Variants in MSC observed in about 807,000 individuals in gnomAD.
The protein encoded by MSC is musculin, also known as activated B-cell factor 1, homolog of mouse musculin.
Under a neutral mutation model 14.4 loss-of-function variants are expected in MSC, and 16 were observed. The ratio of observed to expected loss-of-function variants is 1.11; its 90% CI spans 0.75 to 1.69. The LOEUF (loss-of-function observed/expected upper bound fraction) is 1.69, where lower values mean the gene tolerates loss of function less well. Ranked by LOEUF, MSC falls within the 40% of genes most tolerant of loss-of-function variation. MSC has a pLI of 0.00. For missense variants in MSC, 320 were observed against 288.1 expected (o/e 1.11, Z -0.80); for synonymous variants, 165 against 128.5 (o/e 1.28, Z -1.92).
Position 71,843,664 on chromosome 8 carries a change from T to A in MSC, c.515A>T (p.Tyr172Phe). ...CCCTACCAGGTTCACTGGGTGCACG[T>A]AGCCGTTCTCATAGCGGTCCTCCTG... ...LLQEDRYENG[Y>F]VHPVNLTWPF... is the part of the protein sequence containing the mutation. Residue 172 changes from tyrosine (Y) to phenylalanine (F), a missense_variant, in exon 1 of 2, where the codon TAC becomes TTC. Coordinates refer to ENST00000325509, the MANE Select transcript of MSC (RefSeq NM_005098.4). The A allele has an allele frequency of 6.2e-7, 1 of 1,614,222 alleles. No homozygotes were observed. The highest frequency in any genetic ancestry group is 8.5e-7 in the Non-Finnish European group (1 of 1,180,042).
At chr8:71,842,815 C>G (rs867398054) in intron 1 of MSC, 68 bp from the exon 2 acceptor site, 11 of 1,359,068 alleles carry the variant, frequency 8.1e-6, no homozygotes, top group South Asian at 7.0e-5. Context: ...AGCTCTCCTA[C>G]GCGAACCCCA....
Position 71,842,577 on chromosome 8 carries a change from C to T in MSC, c.*84G>A. ...GGAGAATCCAGCGGAAACTTCTTCC[C>T]ATCTCACGAGCTCTCCCTTCTCTCC... is the stretch of plus-strand genomic sequence containing the variant. On this transcript the variant is annotated 3_prime_UTR_variant, in exon 2 of 2. Coordinates refer to ENST00000325509, the MANE Select transcript of MSC (RefSeq NM_005098.4). 1 of 1,298,010 alleles carries T rather than the reference C, an allele frequency of 7.7e-7. No individual in the cohort carries two copies. The highest frequency in any genetic ancestry group is 1.1e-6 in the Non-Finnish European group (1 of 893,328). The allele number at this position is 1,298,010 out of a possible 1,614,324, so 80.4% of individuals were successfully genotyped here. A position where few individuals can be genotyped will look rare whatever the true frequency, so the allele number is the denominator to read the frequency against.
chr8:71,843,986 C>G lies in MSC; in HGVS notation c.193G>C (p.Gly65Arg), dbSNP rs182774730. ...TTCCTCTTGCAGCCTTCCGCGCTGC[C>G]GGCTGTGCCCAGAGCGCAGCGCTCC... ...EEERCALGTA[G>R]SAEGCKRKRP... The change falls in exon 1 of 2, where the codon GGC becomes CGC. Residue 65 changes from glycine to arginine, a missense_variant. Coordinates refer to ENST00000325509, the MANE Select transcript of MSC (RefSeq NM_005098.4). 10 of 1,564,114 alleles carry G rather than the reference C, an allele frequency of 6.4e-6. No individual in the cohort carries two copies. In the East Asian group the frequency reaches 1.2e-4, roughly 19 times the overall value.
rs535819859 is a variant in MSC, at chr8:71,842,440, G to A, written c.*221C>T. ...CACGAAAGGAAGCTCTTTTTGGAGA[G>A]GCAAAACGTGGTCGCCCAGATCCGG... On this transcript the variant is annotated 3_prime_UTR_variant, in exon 2 of 2. Transcript: ENST00000325509. 8.7e-6 allele frequency: 5 copies of A among 575,316 alleles called. No homozygotes were observed. Among genetic ancestry groups the A allele is most frequent in the Admixed American group, 2.7e-5 (1 of 36,824 alleles). 35.6% of individuals were successfully genotyped at this position (575,316 alleles called of 1,614,324 possible). A position where few individuals can be genotyped will look rare whatever the true frequency, so the allele number is the denominator to read the frequency against.
chr8:71,843,570 A>T, intron 1 of MSC, 75 bp downstream of exon 1: 1 of 1,599,886 alleles, frequency 6.3e-7, no homozygotes, highest in South Asian at 1.1e-5. Context: ...CAACGGGCTG[A>T]CCCTGCCCGG....
chr8:71,844,259 G>C lies in MSC; in HGVS notation c.-81C>G, dbSNP rs762622714. 6.3e-7 allele frequency: 1 copy of C among 1,585,444 alleles called. No homozygotes were observed. The highest frequency in any genetic ancestry group is 1.7e-5 in the Admixed American group (1 of 58,924). The stretch of plus-strand genomic sequence containing the variant: ...CTGTCTCCGCCTTCCGCTCCCTGGC[G>C]GAGGCGGAGGCCAGAGAGCGCTCCA... On this transcript the variant is annotated 5_prime_UTR_variant, in exon 1 of 2. Coordinates refer to ENST00000325509, the MANE Select transcript of MSC (RefSeq NM_005098.4).
At chr8:71,843,363 A>T (rs1333612799) in intron 1 of MSC, 8 of 530,058 alleles carry the variant, frequency 1.5e-5, no homozygotes, top group Non-Finnish European at 2.4e-5. Context: ...GCAGATGGAG[A>T]TGGAACCAAG....
In MSC at chr8:71,844,349, G is replaced by A. The variant is rs1450173345; in HGVS notation, c.-171C>T. The A allele has an allele frequency of 2.1e-6, 2 of 950,908 alleles. No homozygotes were observed. The highest frequency in any genetic ancestry group is 1.6e-5 in the African/African-American group (1 of 61,868). The allele number at this position is 950,908 out of a possible 1,614,324, so 58.9% of individuals were successfully genotyped here. On this transcript the variant is annotated 5_prime_UTR_variant, in exon 1 of 2. Transcript: ENST00000325509. ...AAAGCGAGGTGGGTGGCGAGAGCGTGAGCGCCCCTCTGCTGACCCCGGGGA... is the reference window on the plus strand; with the variant it reads ...AAAGCGAGGTGGGTGGCGAGAGCGTAAGCGCCCCTCTGCTGACCCCGGGGA...
Position 71,842,654 on chromosome 8 carries a change from G to C in MSC, c.*7C>G, listed in dbSNP as rs1807407855. On this transcript the variant is annotated 3_prime_UTR_variant, in exon 2 of 2. Transcript: ENST00000325509. ...GAATAATCCCATCAAGTGAGTTCCAGTCCGATTTAAGCGGTGGTTCCACAT... is the reference window on the plus strand; with the variant it reads ...GAATAATCCCATCAAGTGAGTTCCACTCCGATTTAAGCGGTGGTTCCACAT... The C allele has an allele frequency of 6.2e-7, 1 of 1,613,736 alleles. No individual in the cohort carries two copies. Among genetic ancestry groups the C allele is most frequent in the African/African-American group, 1.3e-5 (1 of 74,916 alleles).
At chr8:71,843,022 C>T in intron 1 of MSC, 1 of 386,200 alleles carries the variant, frequency 2.6e-6, no homozygotes, top group South Asian at 2.1e-5. Context: ...TCGTTTAGTT[C>T]CCTTCCCCAA....
chr8:71,843,681 G>A lies in MSC; in HGVS notation c.498C>T (p.Asp166=). The A allele has an allele frequency of 6.2e-7, 1 of 1,614,246 alleles. No homozygotes were observed. The highest frequency in any genetic ancestry group is 8.5e-7 in the Non-Finnish European group (1 of 1,180,052). The part of the protein sequence containing the change: ...IAHLRQLLQE[D]RYENGYVHPV... ...GGTGCACGTAGCCGTTCTCATAGCG[G>A]TCCTCCTGCAACAGCTGCCGCAGGT... The change falls in exon 1 of 2, where the codon GAC becomes GAT. Residue 166 remains aspartate (D), a synonymous_variant. Coordinates refer to ENST00000325509, the MANE Select transcript of MSC (RefSeq NM_005098.4).
rs1807459365 is a variant in MSC at position 71,844,130 on chromosome 8, G to GC, written c.48dup (p.Leu17AlafsTer27). ...GCGGGGACCGGGTACTCCCGCTGCA[G>GC]CCCCCGAAGCTCCATCTCCTCCGGA... On this transcript the variant is annotated frameshift_variant, in exon 1 of 2. Coordinates refer to ENST00000325509, the MANE Select transcript of MSC (RefSeq NM_005098.4). LOFTEE classifies it high-confidence loss of function. 2 of 1,527,020 alleles carry GC rather than the reference G, an allele frequency of 1.3e-6. No homozygotes were observed. The highest frequency in any genetic ancestry group is 2.1e-5 in the Admixed American group (1 of 47,072). The allele number at this position is 1,527,020 out of a possible 1,614,324, so 94.6% of individuals were successfully genotyped here.
In MSC at chr8:71,843,817, C is replaced by A; in HGVS notation, c.362G>T (p.Arg121Leu). 6.2e-7 allele frequency: 1 copy of A among 1,613,560 alleles called. No homozygotes were observed. The highest frequency in any genetic ancestry group is 8.5e-7 in the Non-Finnish European group (1 of 1,179,900). ...AANARERARM[R>L]VLSKAFSRLK... ...CCTGGAGAAGGCTTTGCTCAGCACG[C>A]GCATCCGGGCACGCTCACGGGCGTT... is the stretch of plus-strand genomic sequence containing the variant. Residue 121 changes from arginine to leucine, a missense_variant, in exon 1 of 2, where the codon CGC (arginine) becomes CTC (leucine). Transcript: ENST00000325509.
chr8:71,844,355 C>G lies in MSC; in HGVS notation c.-177G>C. The G allele has an allele frequency of 2.2e-6, 2 of 898,216 alleles. No individual in the cohort carries two copies. Among genetic ancestry groups the G allele is most frequent in the Non-Finnish European group, 3.5e-6 (2 of 565,270 alleles). 55.6% of individuals were successfully genotyped at this position (898,216 alleles called of 1,614,324 possible). A position where few individuals can be genotyped will look rare whatever the true frequency, so the allele number is the denominator to read the frequency against. On this transcript the variant is annotated 5_prime_UTR_variant, in exon 1 of 2. Coordinates refer to ENST00000325509, the MANE Select transcript of MSC (RefSeq NM_005098.4). ...AGGTGGGTGGCGAGAGCGTGAGCGC[C>G]CCTCTGCTGACCCCGGGGAGCGTGG...
chr8:71,844,316 G>C lies in MSC; in HGVS notation c.-138C>G. On this transcript the variant is annotated 5_prime_UTR_variant, in exon 1 of 2. Transcript: ENST00000325509. ...ACTAAAAACCCAGGCCGGGAAGCGC[G>C]GGGTGAGAAAGCGAGGTGGGTGGCG... 1 of 1,297,178 alleles carries C rather than the reference G, an allele frequency of 7.7e-7. No individual in the cohort carries two copies. Among genetic ancestry groups the C allele is most frequent in the Non-Finnish European group, 1.1e-6 (1 of 928,880 alleles). The allele number at this position is 1,297,178 out of a possible 1,614,324, so 80.4% of individuals were successfully genotyped here. A position where few individuals can be genotyped will look rare whatever the true frequency, so the allele number is the denominator to read the frequency against.
chr8:71,842,404 C>G lies in MSC; in HGVS notation c.*257G>C, dbSNP rs3779760. ...CTAGGGCCCGAGGGTGGACCTGCGT[C>G]CGCGTCTCGTCACGAAAGGAAGCTC... On this transcript the variant is annotated 3_prime_UTR_variant, in exon 2 of 2. Transcript: ENST00000325509. The G allele has an allele frequency of 0.28, 127,721 of 459,804 alleles. 18,906 individuals carry two copies. The highest frequency in any genetic ancestry group is 0.39 in the Middle Eastern group (605 of 1,570). 28.5% of individuals were successfully genotyped at this position (459,804 alleles called of 1,614,324 possible).
intron 1 of MSC, 185 bp downstream of exon 1, chr8:71,843,457 ATTC>A: frequency 1.3e-6 from 1 of 753,564 alleles, no homozygotes; most frequent in Non-Finnish European, 2.3e-6. Flanking sequence ...CGGAGGGTTG[ATTC>A]TTCTTCAGGG....
intron 1 of MSC, 58 bp from the exon 2 acceptor site, chr8:71,842,805 A>T: frequency 4.7e-6 from 7 of 1,496,070 alleles, no homozygotes; most frequent in Non-Finnish European, 6.5e-6. Flanking sequence ...AAACCGAAAC[A>T]GCTCTCCTAC....
chr8:71,843,481 C>T, intron 1 of MSC, 164 bp downstream of exon 1: 2 of 849,970 alleles, frequency 2.4e-6, no homozygotes, highest in Non-Finnish European at 3.9e-6. Flanking sequence ...AAATGGCTGG[C>T]CACTCCCTTG....
Sources: allele counts gnomAD v4.1 joint callset, GRCh38; gene constraint gnomAD v4.1.1; transcripts MANE v1.5; gene names NCBI Gene and HGNC (gene_info 2026-07-23, HGNC 2026-07-21).